GRID2: variants seen among roughly 807,000 people sequenced by gnomAD.
The protein encoded by GRID2 is glutamate ionotropic receptor delta type subunit 2.
A neutral mutation model predicts 114.8 loss-of-function variants in GRID2; 33 were observed. That is an observed-to-expected ratio of 0.29 (90% CI 0.22 to 0.38). The LOEUF (loss-of-function observed/expected upper bound fraction) is 0.38. Ranked by LOEUF, GRID2 falls within the 10% of genes least tolerant of loss-of-function variation. The probability of loss-of-function intolerance (pLI) is 1.00; values close to 1 mark genes in which losing one functional copy is unlikely to be tolerated. For synonymous variants in GRID2, 505 were observed against 449.9 expected, an observed-to-expected ratio of 1.12 and a Z score of -1.55; for missense variants, 1,184 against 1,257.7, an observed-to-expected ratio of 0.94 and a Z score of 0.89.
intron 3 of GRID2, among the ~76,000 whole-genome samples, chr4:93,110,461 C>A (rs887717070): frequency 4.6e-5 from 7 of 152,120 alleles, no homozygotes; most frequent in Non-Finnish European, 1.0e-4. Context: ...TCTCTCCAAC[C>A]ATCTCCGTGC....
At position 92,812,681 on chromosome 4, in the gene GRID2, G is replaced by T. The variant is rs969737764; in HGVS notation, c.244+222395G>T. 2.0e-5 allele frequency among the ~76,000 whole-genome samples: 3 copies of T among 152,174 alleles called. No individual in the cohort carries two copies. In the South Asian group the frequency reaches 6.2e-4, roughly 32 times the overall value. The stretch of plus-strand genomic sequence containing the variant: ...GATGATAAGATCACTAGCATCAGAT[G>T]AATGAAAAACTGATTTATGCTGTAC... On this transcript the variant is annotated intron_variant, in intron 2 of 15. Transcript: ENST00000282020.
chr4:92,968,755 G>A (rs72665222), intron 2 of GRID2, among the ~76,000 whole-genome samples: 1,664 of 151,622 alleles, frequency 0.011, 11 homozygotes, highest in Middle Eastern at 0.027. Context: ...CTCCACCCAC[G>A]TCCCCTAGCC....
intron 2 of GRID2, among the ~76,000 whole-genome samples, chr4:92,892,288 TA>T (rs1447023915): frequency 6.6e-6 from 1 of 152,138 alleles, no homozygotes; most frequent in Non-Finnish European, 1.5e-5. Context: ...GGTCTTGGTT[TA>T]AACTATTCTG....
chr4:92,639,363 A>C (rs1276823494), intron 2 of GRID2, among the ~76,000 whole-genome samples: 1 of 151,942 alleles, frequency 6.6e-6, no homozygotes, highest in East Asian at 1.9e-4. Flanking sequence ...AGTTAATATA[A>C]AAACAAATGA....
intron 1 of GRID2, among the ~76,000 whole-genome samples, chr4:92,424,618 T>C (rs1321686840): frequency 6.6e-6 from 1 of 151,624 alleles, no homozygotes; most frequent in Non-Finnish European, 1.5e-5. Flanking sequence ...AACTAAAATT[T>C]ACAAAACCCT....
At chr4:93,011,532 C>G (rs1578746497) in intron 2 of GRID2, among the ~76,000 whole-genome samples, 1 of 151,976 alleles carries the variant, frequency 6.6e-6, no homozygotes, top group African/African-American at 2.4e-5. Context: ...AGCCCCCAGC[C>G]CCCAGCAATC....
At chr4:92,706,949 C>T (rs1285167881) in intron 2 of GRID2, among the ~76,000 whole-genome samples, 1 of 152,078 alleles carries the variant, frequency 6.6e-6, no homozygotes, top group Non-Finnish European at 1.5e-5. Context: ...ATTCGACATA[C>T]TATATCATTT....
chr4:92,406,462 G>C (rs1037685438), intron 1 of GRID2, among the ~76,000 whole-genome samples: 2 of 152,086 alleles, frequency 1.3e-5, no homozygotes, highest in Non-Finnish European at 2.9e-5. Flanking sequence ...GCCTAGAACA[G>C]AAAATGAGGA....
chr4:93,657,138 A>G (rs1480016635), intron 14 of GRID2, among the ~76,000 whole-genome samples: 1 of 152,072 alleles, frequency 6.6e-6, no homozygotes, highest in Non-Finnish European at 1.5e-5. Flanking sequence ...AAGAATAAGA[A>G]ATTCATTAGC....
At chr4:93,793,673 T>G (rs1261674791) in intron 1 of GRID2, among the ~76,000 whole-genome samples, 4 of 152,150 alleles carry the variant, frequency 2.6e-5, no homozygotes, top group Non-Finnish European at 4.4e-5. Flanking sequence ...GAAAACACCT[T>G]CTCAAATTCC....
intron 2 of GRID2, among the ~76,000 whole-genome samples, chr4:92,600,890 A>G (rs866110381): frequency 5.4e-4 from 82 of 152,340 alleles, no homozygotes; most frequent in African/African-American, 1.9e-3. Flanking sequence ...CTCTTAACAA[A>G]GCACTCTGGC....
intron 2 of GRID2, among the ~76,000 whole-genome samples, chr4:92,833,177 A>G (rs1742233415): frequency 2.0e-5 from 3 of 152,222 alleles, no homozygotes; most frequent in Admixed American, 2.0e-4. Flanking sequence ...GTTGAAGTCA[A>G]GGGCACGATG....
intron 2 of GRID2, among the ~76,000 whole-genome samples, chr4:92,979,103 T>C (rs2149184350): frequency 6.6e-6 from 1 of 152,244 alleles, no homozygotes; most frequent in South Asian, 2.1e-4. Context: ...TATGTAGCTA[T>C]TGGTCACTTG....
At chr4:92,530,124 A>G (rs1725258891) in intron 1 of GRID2, among the ~76,000 whole-genome samples, 1 of 152,038 alleles carries the variant, frequency 6.6e-6, no homozygotes, top group African/African-American at 2.4e-5. Flanking sequence ...TATGCAGGGA[A>G]AGTTCCTTGT....
At chr4:92,772,405 C>A (rs1316883808) in intron 2 of GRID2, among the ~76,000 whole-genome samples, 1 of 152,016 alleles carries the variant, frequency 6.6e-6, no homozygotes, top group Non-Finnish European at 1.5e-5. Context: ...TCTCTTTCTT[C>A]CTGCAGTTTA....
chr4:92,717,962 A>T (rs1735626621), intron 2 of GRID2, among the ~76,000 whole-genome samples: 1 of 150,540 alleles, frequency 6.6e-6, no homozygotes, highest in Non-Finnish European at 1.5e-5. Flanking sequence ...ATTTTTATAG[A>T]GAAATATAAG....
At chr4:92,779,551 C>G (rs1051967947) in intron 2 of GRID2, among the ~76,000 whole-genome samples, 2 of 152,012 alleles carry the variant, frequency 1.3e-5, no homozygotes, top group African/African-American at 4.8e-5. Flanking sequence ...CATCAGGAAG[C>G]AGGTTTCTCA....
chr4:92,635,592 A>G (rs1731029411), intron 2 of GRID2, among the ~76,000 whole-genome samples: 1 of 152,000 alleles, frequency 6.6e-6, no homozygotes, highest in Non-Finnish European at 1.5e-5. Context: ...ATTCTTGTGG[A>G]ATTCACTCTA....
chr4:93,485,651 A>T (rs1726313199), intron 11 of GRID2, among the ~76,000 whole-genome samples: 1 of 151,774 alleles, frequency 6.6e-6, no homozygotes, highest in African/African-American at 2.4e-5. Flanking sequence ...TCTATAGTAC[A>T]TACTTTAGTG....
Sources: gnomAD v4.1 joint callset for allele counts (sites outside exome capture counted in the v4.1 genomes callset) on GRCh38, gnomAD v4.1.1 for gene constraint, MANE v1.5 for transcripts, NCBI Gene and HGNC (gene_info 2026-07-23, HGNC 2026-07-21) for gene names.